TRIM56: variants seen among roughly 807,000 people sequenced by gnomAD.
The protein encoded by TRIM56 is tripartite motif containing 56.
In TRIM56, 10 loss-of-function variants were observed where a neutral mutation model predicts 17.1. The observed-to-expected ratio is 0.58, with a 90% CI of 0.36 to 0.99. The LOEUF (loss-of-function observed/expected upper bound fraction) is 0.99, where lower values mean the gene tolerates loss of function less well. Among genes scored for constraint, TRIM56 ranks in the 50% least tolerant of loss-of-function variants. TRIM56 has a pLI of 0.01. For missense variants in TRIM56, 923 were observed against 1,052.3 expected (o/e 0.88, Z 1.70); for synonymous variants, 503 against 473.5 (o/e 1.06, Z -0.81).
At chr7:101,087,229 G>A (rs1378116008) in intron 2 of TRIM56, 61 bp downstream of exon 2, 17 of 1,327,268 alleles carry the variant, frequency 1.3e-5, no homozygotes, top group Non-Finnish European at 1.8e-5. Flanking sequence ...GGATCCGTGG[G>A]GCTTGAGGAC....
In TRIM56 at chr7:101,089,752, C is replaced by A. The variant is rs904024595; in HGVS notation, c.*172C>A. 8.5e-5 allele frequency: 53 copies of A among 625,852 alleles called. No individual in the cohort carries two copies. The highest frequency in any genetic ancestry group is 4.3e-4 in the Middle Eastern group (1 of 2,324). The allele number at this position is 625,852 out of a possible 1,614,324, so 38.8% of individuals were successfully genotyped here. A position where few individuals can be genotyped will look rare whatever the true frequency, so the allele number is the denominator to read the frequency against. On this transcript the variant is annotated 3_prime_UTR_variant, in exon 3 of 3. Transcript: ENST00000306085. The stretch of plus-strand genomic sequence containing the variant: ...TCTTCTAGTGTGTGAGAATAGGGAC[C>A]AAGGTGGTGGCGTGACCTTAACTCT...
Position 101,087,907 on chromosome 7 carries a change from G to T in TRIM56, c.595G>T (p.Asp199Tyr). ...AGAGTGCCGCCTAGACCCCCACCTG[G>T]ACCACCCCTGCCTGCCTCTGGCTGA... ...CRECRLDPHL[D>Y]HPCLPLAEAV... Residue 199 changes from aspartate to tyrosine, a missense_variant, in exon 3 of 3, where the codon GAC becomes TAC. Asp to Tyr is a radical substitution (Grantham distance 160). This residue lies in a region of TRIM56 where 643 missense variants were observed against 665.6 expected (regional missense o/e 0.97). Transcript: ENST00000306085. The T allele has an allele frequency of 6.2e-7, 1 of 1,602,578 alleles. No individual in the cohort carries two copies. The highest frequency in any genetic ancestry group is 8.5e-7 in the Non-Finnish European group (1 of 1,177,758).
At position 101,089,589 on chromosome 7, in the gene TRIM56, G is replaced by A. The variant is rs781186705; in HGVS notation, c.*9G>A. 6.2e-7 allele frequency: 1 copy of A among 1,605,004 alleles called. No homozygotes were observed. The highest frequency in any genetic ancestry group is 1.3e-5 in the African/African-American group (1 of 74,804). ...GTTCTCCGGACAGTTAAAGGGGCTA[G>A]GACTAGGGTGAGAGGGAGTGGGGAG... On this transcript the variant is annotated 3_prime_UTR_variant, in exon 3 of 3. Transcript: ENST00000306085.
Position 101,088,529 on chromosome 7 carries a change from G to T in TRIM56, c.1217G>T (p.Gly406Val). Residue 406 changes from glycine (G) to valine (V), a missense_variant, in exon 3 of 3, where the codon GGT becomes GTT. Physicochemically the swap from Gly to Val is moderately radical, Grantham distance 109. This residue lies in a region of TRIM56 where 643 missense variants were observed against 665.6 expected (regional missense o/e 0.97). Coordinates refer to ENST00000306085, the MANE Select transcript of TRIM56 (RefSeq NM_030961.3). ...REDEPKTERQ[G>V]GVQPQAGDGA... ...GATGAGCCGAAGACTGAGAGACAGG[G>T]TGGAGTCCAGCCCCAGGCTGGAGAT... is the stretch of plus-strand genomic sequence containing the variant. 5.6e-6 allele frequency: 9 copies of T among 1,613,870 alleles called. No homozygotes were observed. Among genetic ancestry groups the T allele is most frequent in the Non-Finnish European group, 7.6e-6 (9 of 1,179,902 alleles).
At chr7:101,086,330 G>A (rs2116525044) in intron 1 of TRIM56, among the ~76,000 whole-genome samples, 1 of 152,308 alleles carries the variant, frequency 6.6e-6, no homozygotes, top group Admixed American at 6.5e-5. Context: ...GGAGACCGAG[G>A]AGGGCGGATC....
At position 101,093,417 on chromosome 7, in the gene TRIM56, C is replaced by G. The variant is rs149811080; in HGVS notation, c.*3837C>G. The G allele has an allele frequency of 0.016, 2,434 of 151,336 alleles. 39 individuals are homozygous for G. Among genetic ancestry groups the G allele is most frequent in the Middle Eastern group, 0.024 (7 of 294 alleles). 9.4% of individuals were successfully genotyped at this position (151,336 alleles called of 1,614,324 possible). On this transcript the variant is annotated 3_prime_UTR_variant, in exon 3 of 3. Transcript: ENST00000306085. ...TTGATTTGACGAGGAAAGCCTTGGT[C>G]TCTAATACATGCAATGACTAGAACA...
Position 101,088,134 on chromosome 7 carries a change from G to A in TRIM56, c.822G>A (p.Leu274=), listed in dbSNP as rs751139410. ...RALLAQKQEV[L]GQLRAHVEAA... is the part of the protein sequence containing the mutation. ...TGCTGGCCCAGAAGCAGGAGGTGCT[G>A]GGGCAGCTACGAGCCCACGTGGAGG... is the stretch of plus-strand genomic sequence containing the variant. The change falls in exon 3 of 3, where the codon CTG becomes CTA. Residue 274 remains leucine (L), a synonymous_variant. Transcript: ENST00000306085. The A allele has an allele frequency of 1.3e-6, 2 of 1,500,810 alleles. No homozygotes were observed. The highest frequency in any genetic ancestry group is 2.5e-5 in the East Asian group (1 of 40,430). 93.0% of individuals were successfully genotyped at this position (1,500,810 alleles called of 1,614,324 possible).
At position 101,087,028 on chromosome 7, in the gene TRIM56, A is replaced by G; in HGVS notation, c.-142A>G. 4.4e-6 allele frequency: 2 copies of G among 455,322 alleles called. No homozygotes were observed. Among genetic ancestry groups the G allele is most frequent in the Non-Finnish European group, 7.9e-6 (2 of 252,018 alleles). 28.2% of individuals were successfully genotyped at this position (455,322 alleles called of 1,614,324 possible). ...CAGTTCTCACAGGTCTGACCCAACA[A>G]GTAGCACTGACATTTTTACGTTTGC... On this transcript the variant is annotated 5_prime_UTR_variant, in exon 2 of 3. Coordinates refer to ENST00000306085, the MANE Select transcript of TRIM56 (RefSeq NM_030961.3).
chr7:101,088,323 C>T lies in TRIM56; in HGVS notation c.1011C>T (p.Gly337=). 4 of 1,528,390 alleles carry T rather than the reference C, an allele frequency of 2.6e-6. No homozygotes were observed. The highest frequency in any genetic ancestry group is 3.5e-6 in the Non-Finnish European group (4 of 1,142,522). The allele number at this position is 1,528,390 out of a possible 1,614,324, so 94.7% of individuals were successfully genotyped here. A position where few individuals can be genotyped will look rare whatever the true frequency, so the allele number is the denominator to read the frequency against. ...AIAQRLRQLQ[G]CPWAPGPAPC... is the part of the protein sequence containing the mutation. ...CACAGCGGCTCAGGCAGCTGCAGGGCTGCCCCTGGGCACCAGGCCCGGCCC... is the reference window on the plus strand; with the variant it reads ...CACAGCGGCTCAGGCAGCTGCAGGGTTGCCCCTGGGCACCAGGCCCGGCCC... Residue 337 remains glycine, a synonymous_variant, in exon 3 of 3, where the codon GGC becomes GGT. Coordinates refer to ENST00000306085, the MANE Select transcript of TRIM56 (RefSeq NM_030961.3).
At position 101,092,230 on chromosome 7, in the gene TRIM56, T is replaced by C. The variant is rs71557293; in HGVS notation, c.*2650T>C. ...GCCACCCCCTCTGGGAAGTGCGGAG[T>C]GTCTCTGCCTGGCCGCCCATTGTCT... On this transcript the variant is annotated 3_prime_UTR_variant, in exon 3 of 3. Transcript: ENST00000306085. The C allele has an allele frequency of 0.73, 135,840 of 184,990 alleles. 50,703 individuals are homozygous for C. The highest frequency in any genetic ancestry group is 0.86 in the African/African-American group (35,671 of 41,714). 11.5% of individuals were successfully genotyped at this position (184,990 alleles called of 1,614,324 possible).
Position 101,087,306 on chromosome 7 carries a change from C to T in TRIM56, c.-1-6C>T. 1 of 1,608,976 alleles carries T rather than the reference C, an allele frequency of 6.2e-7. No homozygotes were observed. Among genetic ancestry groups the T allele is most frequent in the Non-Finnish European group, 8.5e-7 (1 of 1,177,026 alleles). ...TCAACTCTGATCCTGACGCCTCTGC[C>T]TGCAGCATGGTTTCCCACGGGTCCT... is the stretch of plus-strand genomic sequence containing the variant. On this transcript the variant is annotated splice_region_variant and splice_polypyrimidine_tract_variant and intron_variant, in intron 2 of 2. Transcript: ENST00000306085.
In TRIM56 at chr7:101,096,500, C is replaced by T. The variant is rs1159657130; in HGVS notation, c.*6920C>T. On this transcript the variant is annotated 3_prime_UTR_variant, in exon 3 of 3. Coordinates refer to ENST00000306085, the MANE Select transcript of TRIM56 (RefSeq NM_030961.3). ...ACAGCTGTGTGATCTTGGTCTAGTGCCTTAACCTCTCTGAGCCTCAGTTTG... is the reference window on the plus strand; with the variant it reads ...ACAGCTGTGTGATCTTGGTCTAGTGTCTTAACCTCTCTGAGCCTCAGTTTG... 2.6e-5 allele frequency: 4 copies of T among 152,132 alleles called. No homozygotes were observed. The highest frequency in any genetic ancestry group is 5.9e-5 in the Non-Finnish European group (4 of 68,054). 9.4% of individuals were successfully genotyped at this position (152,132 alleles called of 1,614,324 possible). A position where few individuals can be genotyped will look rare whatever the true frequency, so the allele number is the denominator to read the frequency against.
In TRIM56 at chr7:101,089,546, T is replaced by C; in HGVS notation, c.2234T>C (p.Ile745Thr). 1 of 1,614,100 alleles carries C rather than the reference T, an allele frequency of 6.2e-7. No individual in the cohort carries two copies. The highest frequency in any genetic ancestry group is 8.5e-7 in the Non-Finnish European group (1 of 1,180,000). ...YLVVSLSNGT[I>T]HIFRVRSPDS is the part of the protein sequence containing the mutation. ...GTCGTGTCCCTCAGTAACGGGACCATCCACATCTTTCGGGTCCGTTCTCCG... is the reference window on the plus strand; with the variant it reads ...GTCGTGTCCCTCAGTAACGGGACCACCCACATCTTTCGGGTCCGTTCTCCG... Residue 745 changes from isoleucine to threonine, a missense_variant, in exon 3 of 3, where the codon ATC becomes ACC. Transcript: ENST00000306085.
chr7:101,095,416 C>G lies in TRIM56; in HGVS notation c.*5836C>G, dbSNP rs1282173310. ...GAGGGAGAGATGAGATCGGGGTGTCCCGCTTCTGTGCATGTGGAGGGGGTA... is the reference window on the plus strand; with the variant it reads ...GAGGGAGAGATGAGATCGGGGTGTCGCGCTTCTGTGCATGTGGAGGGGGTA... On this transcript the variant is annotated 3_prime_UTR_variant, in exon 3 of 3. Transcript: ENST00000306085. 6.6e-6 allele frequency: 1 copy of G among 152,198 alleles called. No homozygotes were observed. The highest frequency in any genetic ancestry group is 6.6e-5 in the Admixed American group (1 of 15,230). 9.4% of individuals were successfully genotyped at this position (152,198 alleles called of 1,614,324 possible).
Position 101,091,777 on chromosome 7 carries a change from C to T in TRIM56, c.*2197C>T, listed in dbSNP as rs1347962578. 2.2e-6 allele frequency: 1 copy of T among 446,466 alleles called. No homozygotes were observed. The highest frequency in any genetic ancestry group is 4.4e-6 in the Non-Finnish European group (1 of 224,746). 27.7% of individuals were successfully genotyped at this position (446,466 alleles called of 1,614,324 possible). A position where few individuals can be genotyped will look rare whatever the true frequency, so the allele number is the denominator to read the frequency against. ...GAAAACCAAGGTCCCTCTCCCTCTC[C>T]CTCTCCCCACGGTCTCCCTCTGCCT... On this transcript the variant is annotated 3_prime_UTR_variant, in exon 3 of 3. Transcript: ENST00000306085.
chr7:101,087,239 CG>C, intron 2 of TRIM56, 71 bp downstream of exon 2: 1 of 1,397,796 alleles, frequency 7.2e-7, no homozygotes. Context: ...GGCTTGAGGA[CG>C]GGCGGTAGAA....
chr7:101,091,444 G>T lies in TRIM56; in HGVS notation c.*1864G>T. On this transcript the variant is annotated 3_prime_UTR_variant, in exon 3 of 3. Transcript: ENST00000306085. Reference sequence around the variant, plus strand: ...ATAATGAAGATTATAAGAAAACCAAGCGCCAGGCACGGTGACTCAAGCCTG... The same window carrying T: ...ATAATGAAGATTATAAGAAAACCAATCGCCAGGCACGGTGACTCAAGCCTG... 5.1e-6 allele frequency: 1 copy of T among 195,746 alleles called. No homozygotes were observed. 12.1% of individuals were successfully genotyped at this position (195,746 alleles called of 1,614,324 possible).
chr7:101,092,524 C>T lies in TRIM56; in HGVS notation c.*2944C>T. ...CCCCTCCGCCTGGCAGCCGCCCCGT[C>T]TGAGAAGTGAGGAGCCCCTCCGCCC... On this transcript the variant is annotated 3_prime_UTR_variant, in exon 3 of 3. Transcript: ENST00000306085. The T allele has an allele frequency of 5.9e-6, 1 of 169,186 alleles. No homozygotes were observed. The highest frequency in any genetic ancestry group is 1.3e-5 in the Non-Finnish European group (1 of 79,706). 10.5% of individuals were successfully genotyped at this position (169,186 alleles called of 1,614,324 possible).
chr7:101,089,312 T>C lies in TRIM56; in HGVS notation c.2000T>C (p.Val667Ala). ...GTAATCTGTGATGGGCTGGGCCAGG[T>C]GGTTGGGGAGTACAAGGGGCCAGGC... ...SVVICDGLGQ[V>A]VGEYKGPGLH... The change falls in exon 3 of 3, where the codon GTG becomes GCG. Residue 667 changes from valine (V) to alanine (A), a missense_variant. Physicochemically the swap from Val to Ala is moderately conservative, Grantham distance 64. Coordinates refer to ENST00000306085, the MANE Select transcript of TRIM56 (RefSeq NM_030961.3). 1 of 1,602,658 alleles carries C rather than the reference T, an allele frequency of 6.2e-7. No homozygotes were observed. The highest frequency in any genetic ancestry group is 8.5e-7 in the Non-Finnish European group (1 of 1,171,800).
Sources: gnomAD v4.1 joint callset for allele counts (sites outside exome capture counted in the v4.1 genomes callset) on GRCh38, gnomAD v4.1.1 for gene constraint, gnomAD v4.1.1 regional missense constraint, MANE v1.5 for transcripts, NCBI Gene and HGNC (gene_info 2026-07-23, HGNC 2026-07-21) for gene names.